The following CSMD3 variants were observed in gnomAD, a reference collection of about 807,000 sequenced individuals.
The protein encoded by CSMD3 is CUB and sushi domain-containing protein 3.
CSMD3 carries 177 observed loss-of-function variants against 435.2 expected under a neutral mutation model. That is an observed-to-expected ratio of 0.41 (90% CI 0.36 to 0.46). CSMD3 has a LOEUF of 0.46. Among genes scored for constraint, CSMD3 ranks in the 20% least tolerant of loss-of-function variants. CSMD3 has a pLI of 0.34. For missense variants in CSMD3, 4,265 were observed against 4,504.6 expected, an observed-to-expected ratio of 0.95 and a Z score of 1.52; for synonymous variants, 1,656 against 1,520.5, an observed-to-expected ratio of 1.09 and a Z score of -2.07.
At chr8:112,941,223 T>A (rs994474716) in intron 9 of CSMD3, among the ~76,000 whole-genome samples, 2 of 151,766 alleles carry the variant, frequency 1.3e-5, no homozygotes, top group African/African-American at 4.8e-5. Flanking sequence ...AACTAAGTAG[T>A]CCCAGAAAAT....
At chr8:113,101,911 C>T (rs1244786546) in intron 4 of CSMD3, among the ~76,000 whole-genome samples, 1 of 151,708 alleles carries the variant, frequency 6.6e-6, no homozygotes, top group African/African-American at 2.4e-5. Flanking sequence ...GAATTCAAGG[C>T]AATATTTTAA....
intron 55 of CSMD3, 83 bp downstream of exon 55, chr8:112,292,454 C>T (rs1429493999): frequency 1.4e-6 from 2 of 1,406,978 alleles, no homozygotes; most frequent in Non-Finnish European, 2.0e-6. Flanking sequence ...TACTATTCTG[C>T]TCAAGCTGTT....
chr8:113,366,991 C>G (rs1055827932), intron 1 of CSMD3, among the ~76,000 whole-genome samples: 4 of 151,846 alleles, frequency 2.6e-5, no homozygotes, highest in African/African-American at 9.7e-5. Context: ...GTTTTTAAAA[C>G]AGCTTTCAAA....
chr8:113,290,559 T>A (rs1434864985), intron 2 of CSMD3, among the ~76,000 whole-genome samples: 1 of 151,718 alleles, frequency 6.6e-6, no homozygotes, highest in Admixed American at 6.6e-5. Context: ...TGTGTATGCA[T>A]GCATATATCC....
intron 17 of CSMD3, among the ~76,000 whole-genome samples, chr8:112,658,148 A>G (rs72678441): frequency 0.13 from 19,586 of 152,246 alleles, 1,398 homozygotes; most frequent in Middle Eastern, 0.31. Flanking sequence ...ACTTTCCAAT[A>G]AAGTTTCAGT....
At position 113,090,370 on chromosome 8, in the gene CSMD3, A is replaced by G. The variant is rs2089962719; in HGVS notation, c.917+8386T>C. Among the ~76,000 whole-genome samples, 3 of 150,766 alleles carry G rather than the reference A, an allele frequency of 2.0e-5. No individual in the cohort carries two copies. In the South Asian group the frequency reaches 6.3e-4, roughly 31 times the overall value. On this transcript the variant is annotated intron_variant, in intron 5 of 70. Transcript: ENST00000297405. The stretch of plus-strand genomic sequence containing the variant: ...TCTTATTAAGATGAAAAAATTTGAA[A>G]TATTTGTTTATTTAAAAATGTAAGC...
chr8:113,285,495 G>T (rs867210664), intron 2 of CSMD3, among the ~76,000 whole-genome samples: 1 of 152,004 alleles, frequency 6.6e-6, no homozygotes, highest in African/African-American at 2.4e-5. Context: ...TCCTGACCTC[G>T]TGATCCGCCT....
intron 11 of CSMD3, among the ~76,000 whole-genome samples, chr8:112,856,822 T>C (rs757651585): frequency 2.0e-5 from 3 of 151,856 alleles, no homozygotes; most frequent in Non-Finnish European, 3.0e-5. Flanking sequence ...CCTTGGTTAA[T>C]TGGGATGTAT....
At chr8:112,674,738 T>C (rs1206738545) in intron 16 of CSMD3, among the ~76,000 whole-genome samples, 1 of 152,146 alleles carries the variant, frequency 6.6e-6, no homozygotes, top group Non-Finnish European at 1.5e-5. Context: ...AAGCTCATTG[T>C]ATAAGCAAAT....
At chr8:113,046,718 G>A (rs536621364) in intron 5 of CSMD3, among the ~76,000 whole-genome samples, 24 of 152,300 alleles carry the variant, frequency 1.6e-4, no homozygotes, top group African/African-American at 5.5e-4. Context: ...ATTGATACAA[G>A]GACAAGATTC....
intron 13 of CSMD3, among the ~76,000 whole-genome samples, chr8:112,719,354 T>A (rs774048382): frequency 2.0e-5 from 3 of 152,156 alleles, no homozygotes; most frequent in Non-Finnish European, 4.4e-5. Context: ...GGTACACTGC[T>A]CAGCTTATGC....
chr8:113,358,082 T>A (rs1053508129), intron 1 of CSMD3, among the ~76,000 whole-genome samples: 1 of 152,216 alleles, frequency 6.6e-6, no homozygotes, highest in East Asian at 1.9e-4. Context: ...ATCTAGTTAA[T>A]GTCAATGGAT....
chr8:112,450,747 C>T (rs540639239), intron 32 of CSMD3, among the ~76,000 whole-genome samples: 54 of 152,262 alleles, frequency 3.5e-4, no homozygotes, highest in African/African-American at 1.2e-3. Flanking sequence ...ATGCCATAAG[C>T]TTTGTTTCAA....
intron 36 of CSMD3, 26 bp downstream of exon 36, chr8:112,390,638 A>T (rs1830331092): frequency 1.3e-6 from 2 of 1,592,454 alleles, no homozygotes; most frequent in African/African-American, 2.7e-5. Context: ...ATACAATGAA[A>T]AGAAGAAAAA....
At chr8:112,851,137 A>C (rs1394881830) in intron 11 of CSMD3, among the ~76,000 whole-genome samples, 4 of 152,140 alleles carry the variant, frequency 2.6e-5, no homozygotes, top group African/African-American at 9.7e-5. Context: ...TTATAATTAC[A>C]TCAGTGCTCT....
At chr8:113,342,642 A>T (rs1320012155) in intron 1 of CSMD3, among the ~76,000 whole-genome samples, 1 of 152,084 alleles carries the variant, frequency 6.6e-6, no homozygotes, top group Non-Finnish European at 1.5e-5. Flanking sequence ...CCTAAAGACA[A>T]ATTTTAACAA....
At position 112,346,130 on chromosome 8, in the gene CSMD3, A is replaced by C; in HGVS notation, c.6409T>G (p.Cys2137Gly). ...FPGNYPSSLD[C>G]TWTINLPIGF... is the part of the protein sequence containing the mutation. ...ATGGGTAGATTTATTGTCCATGTGCAATCTAAACTGCTGGGATAGTTTCCA... is the reference window on the plus strand; with the variant it reads ...ATGGGTAGATTTATTGTCCATGTGCCATCTAAACTGCTGGGATAGTTTCCA... The change falls in exon 41 of 71, where the codon TGC (cysteine) becomes GGC (glycine). Residue 2137 changes from cysteine to glycine, a missense_variant. By Grantham distance (159) the Cys-to-Gly change is radical. Around this residue, in one of 3 missense-constraint regions of CSMD3, gnomAD observed 3,255 missense variants for 3,380.2 expected, o/e 0.96. Coordinates refer to ENST00000297405, the MANE Select transcript of CSMD3 (RefSeq NM_198123.2). 2 of 1,611,126 alleles carry C rather than the reference A, an allele frequency of 1.2e-6. No individual in the cohort carries two copies. Among genetic ancestry groups the C allele is most frequent in the Non-Finnish European group, 8.5e-7 (1 of 1,177,324 alleles).
intron 4 of CSMD3, among the ~76,000 whole-genome samples, chr8:113,126,649 A>C (rs2091140402): frequency 6.6e-6 from 1 of 151,974 alleles, no homozygotes; most frequent in Admixed American, 6.6e-5. Flanking sequence ...CAAAGGATAA[A>C]ATAGGAGGAA....
chr8:112,773,748 G>T (rs936784630), intron 13 of CSMD3, among the ~76,000 whole-genome samples: 1 of 151,938 alleles, frequency 6.6e-6, no homozygotes, highest in African/African-American at 2.4e-5. Context: ...CAAATTAACC[G>T]ATAGTGAGAA....
Sources: gnomAD v4.1 joint callset for allele counts (sites outside exome capture counted in the v4.1 genomes callset) on GRCh38, gnomAD v4.1.1 for gene constraint, gnomAD v4.1.1 regional missense constraint, MANE v1.5 for transcripts, NCBI Gene and HGNC (gene_info 2026-07-23, HGNC 2026-07-21) for gene names.